MIPOL1: variants seen among roughly 807,000 people sequenced by gnomAD.
The protein encoded by MIPOL1 is mirror-image polydactyly gene 1 protein.
In MIPOL1, 57 loss-of-function variants were observed where a neutral mutation model predicts 60.9. The observed-to-expected ratio is 0.94, with a 90% CI of 0.76 to 1.17. The LOEUF (loss-of-function observed/expected upper bound fraction) is 1.17, where lower values mean the gene tolerates loss of function less well. MIPOL1 is among the 50% of genes most tolerant of loss of function. The probability of loss-of-function intolerance (pLI) is 0.00; values close to 1 mark genes in which losing one functional copy is unlikely to be tolerated. For synonymous variants in MIPOL1, 179 were observed against 168.8 expected, an observed-to-expected ratio of 1.06 and a Z score of -0.47; for missense variants, 551 against 511.6, an observed-to-expected ratio of 1.08 and a Z score of -0.74.
At chr14:37,419,003 C>T (rs796946912) in intron 10 of MIPOL1, among the ~76,000 whole-genome samples, 12 of 151,896 alleles carry the variant, frequency 7.9e-5, no homozygotes, top group African/African-American at 2.9e-4. Flanking sequence ...AGGTATTTAC[C>T]CAAGAGAAAC....
At chr14:37,415,301 T>C (rs1183674047) in intron 10 of MIPOL1, among the ~76,000 whole-genome samples, 1 of 152,030 alleles carries the variant, frequency 6.6e-6, no homozygotes, top group African/African-American at 2.4e-5. Context: ...TAAATCAAAT[T>C]AGATAATATA....
chr14:37,405,737 C>A (rs565647072), intron 10 of MIPOL1, among the ~76,000 whole-genome samples: 4 of 151,844 alleles, frequency 2.6e-5, no homozygotes, highest in African/African-American at 9.6e-5. Context: ...AAAAAAAAGT[C>A]TTTCATATAG....
At chr14:37,358,861 G>A (rs1567634580) in intron 9 of MIPOL1, among the ~76,000 whole-genome samples, 3 of 152,032 alleles carry the variant, frequency 2.0e-5, no homozygotes, top group Non-Finnish European at 4.4e-5. Context: ...GTCAATTTTG[G>A]CTTTTGTTGC....
chr14:37,202,003 G>T (rs1426096623), intron 1 of MIPOL1, among the ~76,000 whole-genome samples: 2 of 152,126 alleles, frequency 1.3e-5, no homozygotes, highest in Admixed American at 1.3e-4. Flanking sequence ...TAGCTATTTT[G>T]TTTTCTGTTT....
intron 10 of MIPOL1, chr14:37,401,820 T>A (rs1240081864): frequency 1.3e-5 from 2 of 152,162 alleles, no homozygotes; most frequent in African/African-American, 4.8e-5. Flanking sequence ...AAAGCAGTGA[T>A]AACTTTAATT....
chr14:37,369,834 A>G (rs1186347722), intron 10 of MIPOL1: 4 of 305,336 alleles, frequency 1.3e-5, no homozygotes, highest in Non-Finnish European at 2.4e-5. Context: ...CATTTTCTGA[A>G]TTTTGAGTGG....
chr14:37,491,173 T>C (rs2095042447), intron 11 of MIPOL1, among the ~76,000 whole-genome samples: 1 of 152,178 alleles, frequency 6.6e-6, no homozygotes, highest in Admixed American at 6.5e-5. Flanking sequence ...GCACACAGTA[T>C]ACTCTTAGAT....
intron 10 of MIPOL1, among the ~76,000 whole-genome samples, chr14:37,372,612 A>G (rs2153500523): frequency 6.6e-6 from 1 of 152,114 alleles, no homozygotes; most frequent in Non-Finnish European, 1.5e-5. Flanking sequence ...AAAATGAGCA[A>G]GGCGTGGTGG....
chr14:37,442,552 T>A (rs896082857), intron 11 of MIPOL1, among the ~76,000 whole-genome samples: 3 of 152,118 alleles, frequency 2.0e-5, no homozygotes, highest in African/African-American at 7.2e-5. Flanking sequence ...CTTTGATGCC[T>A]AGTTTGTTAA....
At chr14:37,421,068 C>T (rs1441350187) in intron 10 of MIPOL1, among the ~76,000 whole-genome samples, 1 of 152,068 alleles carries the variant, frequency 6.6e-6, no homozygotes, top group Non-Finnish European at 1.5e-5. Flanking sequence ...TCTTCATAGT[C>T]AACTAAGTGT....
intron 10 of MIPOL1, among the ~76,000 whole-genome samples, chr14:37,382,271 A>G (rs2092945256): frequency 6.6e-6 from 1 of 152,088 alleles, no homozygotes; most frequent in South Asian, 2.1e-4. Context: ...AGCATAGCAT[A>G]AAGTCCAGAT....
chr14:37,210,433 T>G (rs1382662463), intron 1 of MIPOL1, among the ~76,000 whole-genome samples: 1 of 152,134 alleles, frequency 6.6e-6, no homozygotes, highest in Non-Finnish European at 1.5e-5. Flanking sequence ...TAAAGGATGT[T>G]TAATCGCCCA....
chr14:37,261,074 A>G (rs919099147), intron 3 of MIPOL1, among the ~76,000 whole-genome samples: 2 of 152,018 alleles, frequency 1.3e-5, no homozygotes, highest in African/African-American at 2.4e-5. Flanking sequence ...TCTGTAATGT[A>G]TTAGTTTTAT....
At chr14:37,259,491 T>C (rs1168813164) in intron 3 of MIPOL1, among the ~76,000 whole-genome samples, 1 of 151,860 alleles carries the variant, frequency 6.6e-6, no homozygotes, top group Non-Finnish European at 1.5e-5. Flanking sequence ...CGCCAGAGCC[T>C]AGAAGGTTGA....
chr14:37,432,376 A>G (rs1435007387), intron 11 of MIPOL1, among the ~76,000 whole-genome samples: 1 of 152,212 alleles, frequency 6.6e-6, no homozygotes, highest in Non-Finnish European at 1.5e-5. Context: ...CCACAAATGA[A>G]TAAACAAAGT....
At chr14:37,490,658 G>A (rs745539714) in intron 11 of MIPOL1, among the ~76,000 whole-genome samples, 13 of 152,174 alleles carry the variant, frequency 8.5e-5, no homozygotes, top group Admixed American at 2.0e-4. Context: ...CAGAATGCAC[G>A]GTTATTCAGG....
At chr14:37,496,953 G>C (rs1257817356) in intron 11 of MIPOL1, among the ~76,000 whole-genome samples, 2 of 151,710 alleles carry the variant, frequency 1.3e-5, no homozygotes, top group South Asian at 2.1e-4. Flanking sequence ...CCAAAACAGA[G>C]ATATAGATCA....
chr14:37,234,861 C>A (rs891926410), intron 1 of MIPOL1, among the ~76,000 whole-genome samples: 2 of 151,798 alleles, frequency 1.3e-5, no homozygotes, highest in Non-Finnish European at 2.9e-5. Context: ...ATGCAAACTC[C>A]GCCTCATGGG....
intron 12 of MIPOL1, among the ~76,000 whole-genome samples, chr14:37,509,967 T>C (rs1594798014): frequency 6.6e-6 from 1 of 151,724 alleles, no homozygotes; most frequent in Non-Finnish European, 1.5e-5. Flanking sequence ...AAACTATATA[T>C]ATATATGCAT....
Sources: allele counts gnomAD v4.1 joint callset (sites outside exome capture counted in the v4.1 genomes callset), GRCh38; gene constraint gnomAD v4.1.1; transcripts MANE v1.5; gene names NCBI Gene and HGNC (gene_info 2026-07-23, HGNC 2026-07-21).